Variants in ARK2N observed in about 807,000 individuals in gnomAD.
ARK2N encodes the protein arkadia (RNF111) N-terminal like PKA signaling regulator 2N.
chr18:46,228,231 C>A, the ARK2N span, among the ~76,000 whole-genome samples: 1 of 152,098 alleles, frequency 6.6e-6, no homozygotes, highest in African/African-American at 2.4e-5. Context: ...TCACCTTCTT[C>A]CTGGAAACCC....
the ARK2N span, among the ~76,000 whole-genome samples, chr18:46,229,919 T>TTTTG: frequency 1.2e-4 from 18 of 145,854 alleles, no homozygotes; most frequent in African/African-American, 2.6e-4. Context: ...AAGTAGTGTT[T>TTTTG]TTTGTTTGTT....
At chr18:46,247,912 A>G in the ARK2N span, among the ~76,000 whole-genome samples, 5 of 152,216 alleles carry the variant, frequency 3.3e-5, no homozygotes, top group Non-Finnish European at 7.3e-5. Context: ...ACCTCAAGTG[A>G]TCTGCCTGCC....
chr18:46,175,656 C>T, the ARK2N span, among the ~76,000 whole-genome samples: 3 of 151,828 alleles, frequency 2.0e-5, no homozygotes, highest in Non-Finnish European at 4.4e-5. Context: ...GCACGCGCCA[C>T]CACGCCCAGC....
the ARK2N span, chr18:46,218,348 AGTTTG>A: frequency 3.9e-5 from 6 of 152,300 alleles, no homozygotes; most frequent in Non-Finnish European, 5.9e-5. Flanking sequence ...TTGAATCTAT[AGTTTG>A]GTTTCTATTG....
chr18:46,225,132 G>T, the ARK2N span, among the ~76,000 whole-genome samples: 30 of 152,220 alleles, frequency 2.0e-4, no homozygotes, highest in Non-Finnish European at 3.7e-4. Context: ...AAGAGAACAA[G>T]CAGCTACTGG....
chr18:46,238,412 C>T, the ARK2N span, among the ~76,000 whole-genome samples: 7 of 152,088 alleles, frequency 4.6e-5, no homozygotes, highest in East Asian at 3.8e-4. Flanking sequence ...TGAACTCTGA[C>T]GAGAACGCCA....
chr18:46,221,316 C>T, the ARK2N span, among the ~76,000 whole-genome samples: 5 of 150,826 alleles, frequency 3.3e-5, no homozygotes, highest in South Asian at 1.0e-3. Context: ...GAGGCTGAGG[C>T]AGATGGATTA....
the ARK2N span, chr18:46,262,831 C>T: frequency 2.4e-6 from 3 of 1,246,978 alleles, no homozygotes; most frequent in Admixed American, 1.9e-5. Context: ...CTAGGTTTAT[C>T]TTAGTAAAAA....
the ARK2N span, among the ~76,000 whole-genome samples, chr18:46,182,008 A>T: frequency 6.6e-6 from 1 of 152,246 alleles, no homozygotes; most frequent in Admixed American, 6.5e-5. Context: ...TAGTTTAAAA[A>T]AATGACCTTT....
the ARK2N span, among the ~76,000 whole-genome samples, chr18:46,204,403 A>G: frequency 6.6e-6 from 1 of 152,184 alleles, no homozygotes; most frequent in Non-Finnish European, 1.5e-5. Flanking sequence ...GGAAAGTACT[A>G]TAGCCTCTTG....
the ARK2N span, among the ~76,000 whole-genome samples, chr18:46,176,095 G>A: frequency 1.1e-3 from 168 of 152,228 alleles, no homozygotes; most frequent in African/African-American, 3.9e-3. Context: ...TCCTTCAAAG[G>A]TTTCTTGCTT....
the ARK2N span, among the ~76,000 whole-genome samples, chr18:46,233,757 A>G: frequency 6.6e-6 from 1 of 152,148 alleles, no homozygotes; most frequent in African/African-American, 2.4e-5. Context: ...TTAAAATCTT[A>G]TTTTCATCTT....
the ARK2N span, among the ~76,000 whole-genome samples, chr18:46,213,280 G>A: frequency 3.3e-5 from 5 of 151,868 alleles, no homozygotes; most frequent in South Asian, 2.1e-4. Context: ...GAATACAAAC[G>A]TGAGCCACCG....
chr18:46,209,991 A>G, the ARK2N span, among the ~76,000 whole-genome samples: 10 of 152,226 alleles, frequency 6.6e-5, no homozygotes, highest in Non-Finnish European at 1.3e-4. Context: ...AAAGGAGAGA[A>G]AAACATCAGA....
chr18:46,209,256 G>C, the ARK2N span, among the ~76,000 whole-genome samples: 1 of 149,886 alleles, frequency 6.7e-6, no homozygotes, highest in Non-Finnish European at 1.5e-5. Context: ...ATCTCTGTCA[G>C]ATTCTCTGTA....
chr18:46,193,097 T>C, the ARK2N span, among the ~76,000 whole-genome samples: 1 of 151,784 alleles, frequency 6.6e-6, no homozygotes, highest in Non-Finnish European at 1.5e-5. Context: ...ACCTGGGCAG[T>C]GGAGGTTGCA....
chr18:46,217,639 A>T, the ARK2N span: 1 of 152,236 alleles, frequency 6.6e-6, no homozygotes, highest in Non-Finnish European at 1.5e-5. Context: ...TGGAATCTAT[A>T]GCTTCCCAAA....
the ARK2N span, among the ~76,000 whole-genome samples, chr18:46,211,833 G>A: frequency 9.2e-5 from 14 of 151,992 alleles, no homozygotes; most frequent in Non-Finnish European, 1.3e-4. Flanking sequence ...TAACCCAGAG[G>A]GTTGATAGCC....
chr18:46,216,489 C>CAGT, the ARK2N span: 3 of 1,614,008 alleles, frequency 1.9e-6, no homozygotes, highest in African/African-American at 4.0e-5. The surrounding 1 kb of genome is among the most constrained non-coding windows in gnomAD (Gnocchi z 4.3). Flanking sequence ...TGCTGCAGGA[C>CAGT]AGTAGTACCA....
Sources: gnomAD v4.1 joint callset for allele counts (sites outside exome capture counted in the v4.1 genomes callset) on GRCh38, gnomAD v4.1.1 for gene constraint, Gnocchi (gnomAD v3.1) non-coding constraint, MANE v1.5 for transcripts, NCBI Gene and HGNC (gene_info 2026-07-23, HGNC 2026-07-21) for gene names.